SLC24A2: variants seen among roughly 807,000 people sequenced by gnomAD.
The protein encoded by SLC24A2 is sodium/potassium/calcium exchanger 2.
In SLC24A2, 36 loss-of-function variants were observed where a neutral mutation model predicts 62.0. That is an observed-to-expected ratio of 0.58 (90% CI 0.44 to 0.77). The LOEUF (loss-of-function observed/expected upper bound fraction) is 0.77. Ranked by LOEUF, SLC24A2 falls within the 30% of genes least tolerant of loss-of-function variation. The pLI is 0.00. For missense variants in SLC24A2, 846 were observed against 817.9 expected (o/e 1.03, Z -0.42); for synonymous variants, 358 against 294.0 (o/e 1.22, Z -2.23).
At chr9:19,904,089 G>C in the SLC24A2 span, among the ~76,000 whole-genome samples, 411 of 152,276 alleles carry the variant, frequency 2.7e-3, 2 homozygotes, top group Non-Finnish European at 4.2e-3. Flanking sequence ...ATGTAGCAAA[G>C]ACCTGCCAGG....
At chr9:20,153,937 C>T in the SLC24A2 span, among the ~76,000 whole-genome samples, 1 of 151,848 alleles carries the variant, frequency 6.6e-6, no homozygotes, top group Non-Finnish European at 1.5e-5. Flanking sequence ...TCAACAGATA[C>T]TGTGTGATGA....
chr9:19,714,618 T>C (rs890219036), intron 2 of SLC24A2, among the ~76,000 whole-genome samples: 8 of 152,086 alleles, frequency 5.3e-5, no homozygotes, highest in African/African-American at 1.9e-4. Context: ...TATGAGTCAT[T>C]TGAGTATTAA....
At chr9:19,771,799 A>T (rs773000549) in intron 2 of SLC24A2, among the ~76,000 whole-genome samples, 4 of 152,200 alleles carry the variant, frequency 2.6e-5, no homozygotes, top group Non-Finnish European at 5.9e-5. Flanking sequence ...GACAGAGTAG[A>T]TCATTACTGC....
intron 8 of SLC24A2, among the ~76,000 whole-genome samples, chr9:19,532,998 T>C (rs1443688030): frequency 5.3e-5 from 8 of 152,242 alleles, no homozygotes; most frequent in South Asian, 2.1e-4. Flanking sequence ...TTAGTTCTTT[T>C]ACTTTGGAAA....
At chr9:19,864,948 C>T in the SLC24A2 span, among the ~76,000 whole-genome samples, 1 of 152,000 alleles carries the variant, frequency 6.6e-6, no homozygotes, top group South Asian at 2.1e-4. Context: ...CCTAAAGACT[C>T]CACCACAAAA....
At chr9:19,936,462 C>T in the SLC24A2 span, among the ~76,000 whole-genome samples, 14 of 152,042 alleles carry the variant, frequency 9.2e-5, no homozygotes, top group African/African-American at 2.2e-4. Context: ...TTTGCAGAAA[C>T]GAGGATTCAT....
At chr9:20,131,692 C>T in the SLC24A2 span, among the ~76,000 whole-genome samples, 7 of 152,210 alleles carry the variant, frequency 4.6e-5, no homozygotes, top group African/African-American at 9.6e-5. Context: ...CTGCTATAGA[C>T]GACTGCAAAA....
At chr9:20,070,565 C>G in the SLC24A2 span, among the ~76,000 whole-genome samples, 2 of 152,210 alleles carry the variant, frequency 1.3e-5, no homozygotes. Context: ...GCACAGCATT[C>G]CTGCTAACTG....
chr9:19,938,154 A>G, the SLC24A2 span, among the ~76,000 whole-genome samples: 6 of 152,140 alleles, frequency 3.9e-5, no homozygotes, highest in African/African-American at 1.4e-4. Context: ...TTCCCATACC[A>G]TTAGATATTC....
At chr9:19,783,997 T>C (rs933672327) in intron 2 of SLC24A2, among the ~76,000 whole-genome samples, 2 of 152,228 alleles carry the variant, frequency 1.3e-5, no homozygotes, top group African/African-American at 4.8e-5. Context: ...TTCAATCAAG[T>C]AAATCTAGAA....
Position 19,576,944 on chromosome 9 carries a change from T to C in SLC24A2, c.1208A>G (p.Asn403Ser), listed in dbSNP as rs1396011368. 6.2e-7 allele frequency: 1 copy of C among 1,614,020 alleles called. No individual in the cohort carries two copies. Among genetic ancestry groups the C allele is most frequent in the Non-Finnish European group, 8.5e-7 (1 of 1,179,840 alleles). The part of the protein sequence containing the change: ...KCHVDENERQ[N>S]GAANHVEKIE... ...CTCACCCACGTGGTTGGCAGCCCCA[T>C]TCTGCCTCTCGTTCTCATCCACATG... Residue 403 changes from asparagine (N) to serine (S), a missense_variant, in exon 6 of 11, where the codon AAT (asparagine) becomes AGT (serine). Transcript: ENST00000341998.
the SLC24A2 span, among the ~76,000 whole-genome samples, chr9:20,271,665 C>A: frequency 1.3e-5 from 2 of 152,122 alleles, no homozygotes; most frequent in East Asian, 3.8e-4. Flanking sequence ...GAGACTGACA[C>A]AGATGTTGAA....
At chr9:20,107,302 T>G in the SLC24A2 span, among the ~76,000 whole-genome samples, 1 of 151,884 alleles carries the variant, frequency 6.6e-6, no homozygotes. Flanking sequence ...GCCATCCCCA[T>G]CAAGCTACCA....
At chr9:19,787,713 GT>G (rs3840721) in intron 1 of SLC24A2, among the ~76,000 whole-genome samples, 57,113 of 151,706 alleles carry the variant, frequency 0.38, 11,673 homozygotes, top group Admixed American at 0.46. Context: ...TCTAGACATT[GT>G]TTTCAGCTAA....
At chr9:20,022,968 A>T in the SLC24A2 span, among the ~76,000 whole-genome samples, 1 of 152,338 alleles carries the variant, frequency 6.6e-6, no homozygotes, top group East Asian at 1.9e-4. Context: ...GAAGGTGGGG[A>T]TCTGGAGCCA....
At chr9:19,745,697 G>T (rs560549197) in intron 2 of SLC24A2, among the ~76,000 whole-genome samples, 2 of 152,132 alleles carry the variant, frequency 1.3e-5, no homozygotes, top group African/African-American at 4.8e-5. Flanking sequence ...CTACATGCTG[G>T]GAAAGACCTG....
At chr9:19,741,016 T>C (rs893811817) in intron 2 of SLC24A2, among the ~76,000 whole-genome samples, 1 of 152,190 alleles carries the variant, frequency 6.6e-6, no homozygotes, top group Non-Finnish European at 1.5e-5. Context: ...GGAAATGGAA[T>C]GTCATTTGAG....
At chr9:19,529,926 A>G (rs1833621123) in intron 8 of SLC24A2, among the ~76,000 whole-genome samples, 1 of 151,370 alleles carries the variant, frequency 6.6e-6, no homozygotes, top group Non-Finnish European at 1.5e-5. Context: ...ATTTTTTTGT[A>G]TTTTTTAGTA....
the SLC24A2 span, among the ~76,000 whole-genome samples, chr9:20,129,133 G>A: frequency 2.9e-4 from 44 of 152,146 alleles, no homozygotes; most frequent in African/African-American, 9.6e-4. Context: ...CAAAGGACAT[G>A]AGTAGACATT....
Sources: allele counts gnomAD v4.1 joint callset (sites outside exome capture counted in the v4.1 genomes callset), GRCh38; gene constraint gnomAD v4.1.1; transcripts MANE v1.5; gene names NCBI Gene and HGNC (gene_info 2026-07-23, HGNC 2026-07-21).